SMARCAL1: variants seen among roughly 807,000 people sequenced by gnomAD.
SMARCAL1 encodes the protein SNF2 related chromatin remodeling annealing helicase 1, also known as ATP-driven annealing helicase.
Under a neutral mutation model 94.5 loss-of-function variants are expected in SMARCAL1, and 58 were observed. The ratio of observed to expected loss-of-function variants is 0.61; its 90% CI spans 0.50 to 0.76. SMARCAL1 has a LOEUF of 0.76. SMARCAL1 is among the 30% of genes least tolerant of loss of function. The probability of loss-of-function intolerance (pLI) is 0.00; values close to 1 mark genes in which losing one functional copy is unlikely to be tolerated. For missense variants in SMARCAL1, 1,051 were observed against 1,177.9 expected (o/e 0.89, Z 1.58); for synonymous variants, 422 against 455.1 (o/e 0.93, Z 0.93).
chr2:216,423,553 C>A, intron 5 of SMARCAL1, 80 bp from the exon 6 acceptor site: 1 of 1,213,200 alleles, frequency 8.2e-7, no homozygotes, highest in Non-Finnish European at 1.2e-6. Flanking sequence ...TTTATGAAAC[C>A]AAGGAATAAA....
chr2:216,462,514 A>G (rs181928640), intron 12 of SMARCAL1, among the ~76,000 whole-genome samples: 6 of 152,304 alleles, frequency 3.9e-5, no homozygotes, highest in Non-Finnish European at 1.5e-5. Flanking sequence ...GCCACAGGTG[A>G]AAAGTTGTGT....
chr2:216,464,303 C>T (rs975083034), intron 12 of SMARCAL1, among the ~76,000 whole-genome samples: 2 of 152,132 alleles, frequency 1.3e-5, no homozygotes, highest in East Asian at 3.8e-4. Flanking sequence ...ATGGTGAAGC[C>T]CTACCTGAAA....
intron 12 of SMARCAL1, among the ~76,000 whole-genome samples, chr2:216,457,498 C>T (rs1160856783): frequency 6.6e-6 from 1 of 152,242 alleles, no homozygotes; most frequent in African/African-American, 2.4e-5. Flanking sequence ...TCTCAGACCA[C>T]AGTGCAATCA....
chr2:216,430,887 C>T (rs1693947023), intron 7 of SMARCAL1, among the ~76,000 whole-genome samples: 1 of 152,230 alleles, frequency 6.6e-6, no homozygotes, highest in South Asian at 2.1e-4. Context: ...ACCTGCCCTC[C>T]CCCCATCTGT....
intron 6 of SMARCAL1, among the ~76,000 whole-genome samples, chr2:216,423,983 A>G (rs1308165758): frequency 6.6e-6 from 1 of 152,164 alleles, no homozygotes; most frequent in Non-Finnish European, 1.5e-5. Flanking sequence ...GGGTACATAG[A>G]CTTTAGGAAT....
intron 12 of SMARCAL1, among the ~76,000 whole-genome samples, chr2:216,461,937 T>C (rs1479236045): frequency 6.6e-6 from 1 of 152,212 alleles, no homozygotes; most frequent in Non-Finnish European, 1.5e-5. Flanking sequence ...TTTCAATTGC[T>C]CACTATTCTG....
chr2:216,468,896 A>G (rs1415773815), intron 14 of SMARCAL1, among the ~76,000 whole-genome samples: 4 of 152,106 alleles, frequency 2.6e-5, no homozygotes, highest in African/African-American at 4.8e-5. Context: ...TATTTTTAGT[A>G]GAGACGGGGT....
intron 10 of SMARCAL1, among the ~76,000 whole-genome samples, chr2:216,441,464 GC>G (rs1405316205): frequency 6.6e-6 from 1 of 152,098 alleles, no homozygotes; most frequent in African/African-American, 2.4e-5. Context: ...AACAGAAAAA[GC>G]CACTGTTAAC....
chr2:216,455,387 C>A (rs553210610), intron 12 of SMARCAL1, among the ~76,000 whole-genome samples: 10 of 152,190 alleles, frequency 6.6e-5, no homozygotes, highest in African/African-American at 2.4e-4. Flanking sequence ...GATCTGAGAA[C>A]GGATAGACTG....
At chr2:216,464,038 T>G (rs1559135435) in intron 12 of SMARCAL1, among the ~76,000 whole-genome samples, 1 of 152,132 alleles carries the variant, frequency 6.6e-6, no homozygotes, top group East Asian at 1.9e-4. Flanking sequence ...AGCGAGACTT[T>G]GTCTCAAAAA....
At chr2:216,417,041 C>G (rs1320844165) in intron 4 of SMARCAL1, among the ~76,000 whole-genome samples, 1 of 152,216 alleles carries the variant, frequency 6.6e-6, no homozygotes, top group African/African-American at 2.4e-5. Flanking sequence ...TTACTCTTCT[C>G]CCCCAGCTGC....
chr2:216,451,335 C>A, intron 12 of SMARCAL1: 1 of 468,040 alleles, frequency 2.1e-6, no homozygotes, highest in South Asian at 2.1e-5. Flanking sequence ...GGGTGGTGAT[C>A]AATATTCCGA....
At chr2:216,415,822 G>A (rs774221806) in intron 3 of SMARCAL1, 3 of 456,804 alleles carry the variant, frequency 6.6e-6, no homozygotes, top group Non-Finnish European at 1.2e-5. Flanking sequence ...TTTGAAATAA[G>A]TAGATGTTAT....
intron 12 of SMARCAL1, among the ~76,000 whole-genome samples, chr2:216,463,997 G>A (rs974494155): frequency 1.3e-5 from 2 of 152,288 alleles, no homozygotes; most frequent in Non-Finnish European, 2.9e-5. Context: ...AGCCGAGATC[G>A]CGCCACTGCA....
rs1181432156 is a variant in SMARCAL1 at position 216,414,932 on chromosome 2, C to A, written c.228C>A (p.Leu76=). The part of the protein sequence containing the change: ...SHGVIFKQQN[L]SSSSNADQRP... ...GTGTCATTTTCAAGCAACAGAATCTCAGTAGCTCATCTAATGCTGACCAAA... is the reference window on the plus strand; with the variant it reads ...GTGTCATTTTCAAGCAACAGAATCTAAGTAGCTCATCTAATGCTGACCAAA... The change falls in exon 3 of 18, where the codon CTC becomes CTA. Residue 76 remains leucine, a synonymous_variant. Coordinates refer to ENST00000357276, the MANE Select transcript of SMARCAL1 (RefSeq NM_014140.4). The A allele has an allele frequency of 2.5e-6, 4 of 1,614,202 alleles. No individual in the cohort carries two copies. In the African/African-American group the frequency reaches 5.3e-5, roughly 22 times the overall value.
intron 7 of SMARCAL1, among the ~76,000 whole-genome samples, chr2:216,431,687 G>A (rs1009359814): frequency 1.3e-5 from 2 of 152,218 alleles, no homozygotes; most frequent in African/African-American, 4.8e-5. Flanking sequence ...GCATGAAGGT[G>A]TACAGCTGCT....
intron 7 of SMARCAL1, among the ~76,000 whole-genome samples, chr2:216,429,737 G>A (rs1417877842): frequency 6.6e-6 from 1 of 151,894 alleles, no homozygotes; most frequent in Non-Finnish European, 1.5e-5. Flanking sequence ...ACCGTCTCTG[G>A]CAGGATTTGG....
chr2:216,453,854 A>C (rs769664833), intron 12 of SMARCAL1, among the ~76,000 whole-genome samples: 6 of 152,238 alleles, frequency 3.9e-5, no homozygotes, highest in Non-Finnish European at 8.8e-5. Context: ...GGAAGAATAC[A>C]TTTCTTAAAA....
intron 12 of SMARCAL1, among the ~76,000 whole-genome samples, chr2:216,452,739 G>T (rs1431010402): frequency 6.6e-6 from 1 of 152,162 alleles, no homozygotes; most frequent in Non-Finnish European, 1.5e-5. Context: ...AAGAAAAGCA[G>T]TAGAAATTTT....
Sources: gnomAD v4.1 joint callset for allele counts (sites outside exome capture counted in the v4.1 genomes callset) on GRCh38, gnomAD v4.1.1 for gene constraint, MANE v1.5 for transcripts, NCBI Gene and HGNC (gene_info 2026-07-23, HGNC 2026-07-21) for gene names.